The following TSHZ2 variants were observed in gnomAD, a reference collection of about 807,000 sequenced individuals.
TSHZ2 encodes teashirt zinc finger homeobox 2.
Under a neutral mutation model 74.4 loss-of-function variants are expected in TSHZ2, and 21 were observed. That is an observed-to-expected ratio of 0.28 (90% confidence interval 0.20 to 0.41). The LOEUF (loss-of-function observed/expected upper bound fraction) is 0.41. Ranked by LOEUF, TSHZ2 falls within the 10% of genes least tolerant of loss-of-function variation. The pLI is 1.00. For synonymous variants in TSHZ2, 540 were observed against 515.3 expected (o/e 1.05, Z -0.65); for missense variants, 1,244 against 1,293.5 (o/e 0.96, Z 0.59).
At chr20:53,362,321 A>T (rs977664340) in intron 2 of TSHZ2, among the ~76,000 whole-genome samples, 1 of 151,914 alleles carries the variant, frequency 6.6e-6, no homozygotes, top group East Asian at 1.9e-4. Context: ...AGTAGCTGGG[A>T]CTACAGACGC....
At chr20:53,194,131 A>C (rs1988803836) in intron 1 of TSHZ2, among the ~76,000 whole-genome samples, 1 of 152,194 alleles carries the variant, frequency 6.6e-6, no homozygotes, top group Admixed American at 6.5e-5. Flanking sequence ...ATGGCCTTCC[A>C]TGAGCACAAT....
chr20:53,078,241 G>T (rs934869027), intron 1 of TSHZ2, among the ~76,000 whole-genome samples: 1 of 152,164 alleles, frequency 6.6e-6, no homozygotes, highest in African/African-American at 2.4e-5. Context: ...CACTTAGGGG[G>T]ATTACTCAGA....
intron 1 of TSHZ2, among the ~76,000 whole-genome samples, chr20:53,167,061 G>C (rs1568791467): frequency 6.6e-6 from 1 of 152,214 alleles, no homozygotes; most frequent in African/African-American, 2.4e-5. Flanking sequence ...TCTGGAGGAA[G>C]ACCTTTCTAC....
chr20:53,085,236 G>T (rs1482013653), intron 1 of TSHZ2, among the ~76,000 whole-genome samples: 1 of 151,986 alleles, frequency 6.6e-6, no homozygotes, highest in Admixed American at 6.6e-5. Context: ...GTGGTGGCGG[G>T]CACCTATAAT....
chr20:53,336,161 G>A (rs1473254806), intron 2 of TSHZ2, among the ~76,000 whole-genome samples: 2 of 152,208 alleles, frequency 1.3e-5, no homozygotes, highest in Non-Finnish European at 2.9e-5. Flanking sequence ...AGAAATGAAA[G>A]GTTGAGCCTG....
chr20:53,261,792 A>G (rs1237293313), intron 2 of TSHZ2, among the ~76,000 whole-genome samples: 1 of 152,250 alleles, frequency 6.6e-6, no homozygotes, highest in Non-Finnish European at 1.5e-5. Context: ...TTGAAAATCC[A>G]TGAGCGACAG....
chr20:53,307,964 C>T (rs1336901130), intron 2 of TSHZ2, among the ~76,000 whole-genome samples: 2 of 152,166 alleles, frequency 1.3e-5, no homozygotes, highest in Non-Finnish European at 2.9e-5. Flanking sequence ...GCAGTGGCTA[C>T]AAATTCCTCT....
At chr20:53,284,372 A>G (rs541689743) in intron 2 of TSHZ2, among the ~76,000 whole-genome samples, 53 of 152,358 alleles carry the variant, frequency 3.5e-4, no homozygotes, top group African/African-American at 1.3e-3. Flanking sequence ...ATATGCTGGC[A>G]TAGCACAGGC....
At chr20:53,225,033 G>T (rs1474312111) in intron 1 of TSHZ2, among the ~76,000 whole-genome samples, 2 of 152,174 alleles carry the variant, frequency 1.3e-5, no homozygotes, top group African/African-American at 2.4e-5. Flanking sequence ...TATGGTTTCT[G>T]TTGCAACTGC....
intron 2 of TSHZ2, among the ~76,000 whole-genome samples, chr20:53,362,193 T>TG (rs1231629291): frequency 3.3e-4 from 1 of 3,038 alleles, no homozygotes; most frequent in Non-Finnish European, 9.4e-4. Flanking sequence ...TGTTTTTTTG[T>TG]TTTTTTTTTG....
At chr20:53,309,715 G>A (rs139963602) in intron 2 of TSHZ2, among the ~76,000 whole-genome samples, 36 of 152,236 alleles carry the variant, frequency 2.4e-4, no homozygotes, top group African/African-American at 6.5e-4. Flanking sequence ...TGCAACACAC[G>A]TCTGTCAGCC....
In TSHZ2 at chr20:53,052,546, TC is replaced by T. The variant is rs1332620787; in HGVS notation, c.40+79216del. On this transcript the variant is annotated intron_variant, in intron 1 of 2. Transcript: ENST00000371497. ...GAAAAATTGTCTTCCACGAAACCAG[TC>T]CCTGGGGCCTAAAAGGGTTAGGGTA... is the stretch of plus-strand genomic sequence containing the variant. 2.0e-5 allele frequency among the ~76,000 whole-genome samples: 3 copies of T among 152,208 alleles called. No homozygotes were observed. In the East Asian group the frequency reaches 5.8e-4, roughly 29 times the overall value.
intron 2 of TSHZ2, among the ~76,000 whole-genome samples, chr20:53,352,210 GT>G (rs905473936): frequency 2.3e-5 from 3 of 129,350 alleles, no homozygotes; most frequent in Non-Finnish European, 3.3e-5. Flanking sequence ...ACTGCATTCC[GT>G]TTTGGCCCCT....
At position 53,185,471 on chromosome 20, in the gene TSHZ2, A is replaced by G; in HGVS notation, c.41-68028A>G. On this transcript the variant is annotated intron_variant, in intron 1 of 2. Transcript: ENST00000371497. ...AGGCAGATCAGATCATGAGGTCAGG[A>G]GTTCAAGACCAGCCTGGCCAACATG... 1.5e-6 allele frequency: 2 copies of G among 1,367,426 alleles called. 1 individual carries two copies. The highest frequency in any genetic ancestry group is 1.9e-6 in the Non-Finnish European group (2 of 1,052,142). The allele number at this position is 1,367,426 out of a possible 1,614,324, so 84.7% of individuals were successfully genotyped here.
intron 2 of TSHZ2, among the ~76,000 whole-genome samples, chr20:53,373,260 C>T (rs1981541943): frequency 6.6e-6 from 1 of 152,106 alleles, no homozygotes; most frequent in Admixed American, 6.6e-5. Flanking sequence ...TCTTATAGCA[C>T]ATCAATTTAA....
chr20:53,084,349 A>G (rs897736188), intron 1 of TSHZ2, among the ~76,000 whole-genome samples: 1 of 152,174 alleles, frequency 6.6e-6, no homozygotes, highest in African/African-American at 2.4e-5. Flanking sequence ...AAGTGGACTT[A>G]GTTTTGTCGG....
At chr20:53,323,720 C>A (rs938449888) in intron 2 of TSHZ2, among the ~76,000 whole-genome samples, 1 of 151,524 alleles carries the variant, frequency 6.6e-6, no homozygotes, top group East Asian at 1.9e-4. Context: ...GGATTACAGG[C>A]GCACACCACC....
At position 53,256,691 on chromosome 20, in the gene TSHZ2, G is replaced by A. The variant is rs948982677; in HGVS notation, c.*8+120G>A. On this transcript the variant is annotated intron_variant, in intron 2 of 2. Transcript: ENST00000371497. The surrounding 1 kb of genome is among the most constrained non-coding windows in gnomAD (Gnocchi z 4.3). ...CCAAGCAGGATAGTAGCTTGCTGGA[G>A]TAGGATTTATTTTAATGAAAGACCA... 1.0e-4 allele frequency: 145 copies of A among 1,408,888 alleles called. No homozygotes were observed. Among genetic ancestry groups the A allele is most frequent in the Non-Finnish European group, 1.3e-4 (142 of 1,074,586 alleles). 87.3% of individuals were successfully genotyped at this position (1,408,888 alleles called of 1,614,324 possible).
At position 53,031,660 on chromosome 20, in the gene TSHZ2, G is replaced by A. The variant is rs115675531; in HGVS notation, c.40+58327G>A. ...GTTGAGGAGCTTCACTCTGTAGTGG[G>A]AGGGTATGATCCTCAACAGCAGCAG... On this transcript the variant is annotated intron_variant, in intron 1 of 2. Transcript: ENST00000371497. 9.9e-3 allele frequency among the ~76,000 whole-genome samples: 1,505 copies of A among 152,294 alleles called. 16 individuals carry two copies. Among genetic ancestry groups the A allele is most frequent in the African/African-American group, 0.032 (1,323 of 41,556 alleles).
Sources: gnomAD v4.1 joint callset for allele counts (sites outside exome capture counted in the v4.1 genomes callset) on GRCh38, gnomAD v4.1.1 for gene constraint, Gnocchi (gnomAD v3.1) non-coding constraint, MANE v1.5 for transcripts, NCBI Gene and HGNC (gene_info 2026-07-23, HGNC 2026-07-21) for gene names.